The following MALRD1 variants were observed in gnomAD, a reference collection of about 807,000 sequenced individuals.
MALRD1 encodes the protein MAM and LDL receptor class A domain containing 1.
A neutral mutation model predicts 242.1 loss-of-function variants in MALRD1; 247 were observed. The ratio of observed to expected loss-of-function variants is 1.02; its 90% CI spans 0.92 to 1.13. The LOEUF (loss-of-function observed/expected upper bound fraction) is 1.13, where lower values mean the gene tolerates loss of function less well. MALRD1 is among the 50% of genes most tolerant of loss of function. MALRD1 has a pLI of 0.00. For synonymous variants in MALRD1, 995 were observed against 866.6 expected, an observed-to-expected ratio of 1.15 and a Z score of -2.60; for missense variants, 2,989 against 2,533.1, an observed-to-expected ratio of 1.18 and a Z score of -3.86.
At chr10:19,324,429 TGGGTAATATC>T (rs952739586) in intron 22 of MALRD1, among the ~76,000 whole-genome samples, 1 of 152,126 alleles carries the variant, frequency 6.6e-6, no homozygotes, top group Non-Finnish European at 1.5e-5. Flanking sequence ...TATATACACT[TGGGTAATATC>T]TGGATGTGTC....
intron 20 of MALRD1, among the ~76,000 whole-genome samples, chr10:19,282,315 C>T (rs1426370599): frequency 6.6e-6 from 1 of 152,124 alleles, no homozygotes; most frequent in Non-Finnish European, 1.5e-5. Flanking sequence ...ACCCAAATTT[C>T]TAAATGGTCA....
intron 34 of MALRD1, among the ~76,000 whole-genome samples, chr10:19,602,470 T>A (rs1207436951): frequency 1.3e-5 from 2 of 151,574 alleles, no homozygotes; most frequent in Non-Finnish European, 2.9e-5. Context: ...CTTGCGATAG[T>A]TTGCTGAGAA....
intron 11 of MALRD1, 96 bp from the exon 12 acceptor site, chr10:19,154,979 A>T: frequency 1.7e-6 from 1 of 584,000 alleles, no homozygotes. Flanking sequence ...TCTTTAATTG[A>T]TAGTTTAGCA....
At chr10:19,430,073 C>T (rs750488661) in intron 28 of MALRD1, among the ~76,000 whole-genome samples, 11 of 146,500 alleles carry the variant, frequency 7.5e-5, no homozygotes, top group Non-Finnish European at 1.2e-4. Context: ...TCAATCATGC[C>T]GCTTCTTGGT....
chr10:19,063,971 A>G (rs1327023090), intron 1 of MALRD1, among the ~76,000 whole-genome samples: 1 of 151,776 alleles, frequency 6.6e-6, no homozygotes, highest in Non-Finnish European at 1.5e-5. Context: ...AATAATAATA[A>G]TTAAAAATAT....
intron 29 of MALRD1, among the ~76,000 whole-genome samples, chr10:19,483,179 G>T (rs1269102789): frequency 3.4e-5 from 5 of 147,824 alleles, no homozygotes; most frequent in Admixed American, 1.4e-4. Context: ...AAGATTTAAT[G>T]GAAGACCTGA....
rs1282059757 is a variant in MALRD1 at position 19,633,842 on chromosome 10, T to C, written c.6137+17919T>C. On this transcript the variant is annotated intron_variant, in intron 36 of 39. Transcript: ENST00000454679. Reference sequence around the variant, plus strand: ...GTTTCTTTCTTTTTCTTTTCTTTCTTTTTTTTTTTTTTTTTTGACAGAGTC... The same window carrying C: ...GTTTCTTTCTTTTTCTTTTCTTTCTCTTTTTTTTTTTTTTTTGACAGAGTC... The C allele has an allele frequency of 1.0e-4, 14 of 136,796 alleles. No individual in the cohort carries two copies. The East Asian group carries it at 2.9e-3, about 28-fold the overall frequency. The allele number at this position is 136,796 out of a possible 1,614,324, so 8.5% of individuals were successfully genotyped here. A position where few individuals can be genotyped will look rare whatever the true frequency, so the allele number is the denominator to read the frequency against.
intron 5 of MALRD1, among the ~76,000 whole-genome samples, chr10:19,117,069 T>C (rs1441230786): frequency 7.1e-6 from 1 of 141,190 alleles, no homozygotes; most frequent in Non-Finnish European, 1.5e-5. Context: ...CACTCCAGCC[T>C]GGGCAACAGA....
At chr10:19,240,489 A>G (rs759473768) in intron 18 of MALRD1, among the ~76,000 whole-genome samples, 1 of 152,048 alleles carries the variant, frequency 6.6e-6, no homozygotes, top group Non-Finnish European at 1.5e-5. Context: ...ATACATATGT[A>G]TGTGAGATCA....
chr10:19,447,755 T>C (rs1835081560), intron 28 of MALRD1, among the ~76,000 whole-genome samples: 1 of 152,206 alleles, frequency 6.6e-6, no homozygotes, highest in African/African-American at 2.4e-5. Flanking sequence ...TTTCCTTTAA[T>C]TTTTAATTTA....
At position 19,490,510 on chromosome 10, in the gene MALRD1, G is replaced by C. The variant is rs755076221; in HGVS notation, c.5030-1007G>C. Reference sequence around the variant, plus strand: ...AACAGAAGAAGCCAAGTGGGGCGGGGGGGGGGCAGGGTTATGGGGGTGAGG... The same window carrying C: ...AACAGAAGAAGCCAAGTGGGGCGGGCGGGGGGCAGGGTTATGGGGGTGAGG... On this transcript the variant is annotated intron_variant, in intron 29 of 39. Coordinates refer to ENST00000454679, the MANE Select transcript of MALRD1 (RefSeq NM_001142308.3). Among the ~76,000 whole-genome samples the C allele has an allele frequency of 6.4e-3, 434 of 67,322 alleles. 14 individuals are homozygous for C. Among genetic ancestry groups the C allele is most frequent in the African/African-American group, 0.018 (421 of 22,902 alleles). The allele number at this position is 67,322 out of a possible 152,430, so 44.2% of individuals were successfully genotyped here. A position where few individuals can be genotyped will look rare whatever the true frequency, so the allele number is the denominator to read the frequency against.
At chr10:19,666,759 T>C (rs1841699441) in intron 36 of MALRD1, among the ~76,000 whole-genome samples, 1 of 152,144 alleles carries the variant, frequency 6.6e-6, no homozygotes, top group African/African-American at 2.4e-5. Context: ...GCATAAGCCT[T>C]CATCATTTCT....
intron 10 of MALRD1, among the ~76,000 whole-genome samples, chr10:19,142,604 T>C (rs11008651): frequency 0.075 from 11,410 of 152,258 alleles, 552 homozygotes; most frequent in Non-Finnish European, 0.11. Flanking sequence ...CAGCGCCATA[T>C]CTCATACTGC....
chr10:19,259,920 T>A (rs1433834957), intron 19 of MALRD1, among the ~76,000 whole-genome samples: 1 of 152,194 alleles, frequency 6.6e-6, no homozygotes, highest in Non-Finnish European at 1.5e-5. Context: ...GTTAAATTTC[T>A]ATTTTCCCCC....
At chr10:19,558,025 T>C (rs550277675) in intron 32 of MALRD1, among the ~76,000 whole-genome samples, 1 of 152,178 alleles carries the variant, frequency 6.6e-6, no homozygotes, top group East Asian at 1.9e-4. Flanking sequence ...ATAAATTTTA[T>C]TGTTTTAAAT....
chr10:19,679,929 G>T (rs1416289378), intron 36 of MALRD1, among the ~76,000 whole-genome samples: 3 of 152,132 alleles, frequency 2.0e-5, no homozygotes, highest in African/African-American at 7.2e-5. Flanking sequence ...TCAGAAGCAG[G>T]TTGTTCAATT....
chr10:19,176,822 G>T, intron 14 of MALRD1, among the ~76,000 whole-genome samples: 1 of 150,912 alleles, frequency 6.6e-6, no homozygotes, highest in African/African-American at 2.4e-5. Context: ...CTGTGTGTCT[G>T]TGTGTGTGTG....
intron 29 of MALRD1, among the ~76,000 whole-genome samples, chr10:19,479,874 G>C (rs1028755573): frequency 4.8e-4 from 73 of 152,254 alleles, no homozygotes; most frequent in Middle Eastern, 3.4e-3. Flanking sequence ...AGAACATGGG[G>C]GAAAGTGTGG....
intron 2 of MALRD1, among the ~76,000 whole-genome samples, chr10:19,069,368 T>A (rs944513867): frequency 6.6e-6 from 1 of 152,044 alleles, no homozygotes; most frequent in East Asian, 1.9e-4. Context: ...ATATATTGGT[T>A]CTATAATCTT....
Sources: gnomAD v4.1 joint callset for allele counts (sites outside exome capture counted in the v4.1 genomes callset) on GRCh38, gnomAD v4.1.1 for gene constraint, MANE v1.5 for transcripts, NCBI Gene and HGNC (gene_info 2026-07-23, HGNC 2026-07-21) for gene names.